Variants in GREM2 observed in about 807,000 individuals in gnomAD.
GREM2 encodes the protein gremlin 2, DAN family BMP antagonist, also known as gremlin-2.
GREM2 carries 11 observed loss-of-function variants against 14.2 expected under a neutral mutation model. The observed-to-expected ratio is 0.78, with a 90% CI of 0.49 to 1.28. The LOEUF is 1.28. Among genes scored for constraint, GREM2 ranks in the 50% most tolerant of loss-of-function variants. GREM2 has a pLI of 0.00. For synonymous variants in GREM2, 98 were observed against 97.6 expected, an observed-to-expected ratio of 1.00 and a Z score of -0.02; for missense variants, 210 against 218.5, an observed-to-expected ratio of 0.96 and a Z score of 0.24.
intron 1 of GREM2, among the ~76,000 whole-genome samples, chr1:240,514,823 C>CCAAGAGATCGAGGCTGCAAT (rs1677917491): frequency 1.3e-5 from 2 of 152,072 alleles, no homozygotes; most frequent in Non-Finnish European, 2.9e-5. Flanking sequence ...TAGTTTGAAC[C>CCAAGAGATCGAGGCTGCAAT]CAAGAGATCG....
chr1:240,524,432 G>GA (rs1198187202), intron 1 of GREM2, among the ~76,000 whole-genome samples: 3 of 151,840 alleles, frequency 2.0e-5, no homozygotes, highest in Non-Finnish European at 4.4e-5. Flanking sequence ...AGGGAGTTCA[G>GA]AAAAAAAACA....
In GREM2 at chr1:240,492,943, GGGCTGA is replaced by G. The variant is rs573018786; in HGVS notation, c.*20_*25del. Reference sequence around the variant, plus strand: ...GCCACCCAGCGGCCGGGCGCGCGCGGGGCTGAGCTGCGTCCGGCCCGGCGCTCACTG... The same window carrying G: ...GCCACCCAGCGGCCGGGCGCGCGCGGGCTGCGTCCGGCCCGGCGCTCACTG... On this transcript the variant is annotated 3_prime_UTR_variant, in exon 2 of 2. Transcript: ENST00000318160. 2.3e-4 allele frequency: 344 copies of G among 1,479,652 alleles called. 2 individuals are homozygous for G. The South Asian group carries it at 4.7e-3, about 20-fold the overall frequency. 91.7% of individuals were successfully genotyped at this position (1,479,652 alleles called of 1,614,324 possible).
chr1:240,564,046 C>T (rs1386384258), intron 1 of GREM2, among the ~76,000 whole-genome samples: 1 of 151,798 alleles, frequency 6.6e-6, no homozygotes, highest in African/African-American at 2.4e-5. Flanking sequence ...CCTACCTCTA[C>T]AAAAAATTAA....
chr1:240,579,221 G>A (rs1679433969), intron 1 of GREM2, among the ~76,000 whole-genome samples: 1 of 152,174 alleles, frequency 6.6e-6, no homozygotes. Flanking sequence ...GAAGGTTGTG[G>A]AGAAGCCATG....
intron 1 of GREM2, among the ~76,000 whole-genome samples, chr1:240,516,919 C>T (rs1270356989): frequency 6.6e-6 from 1 of 151,790 alleles, no homozygotes; most frequent in African/African-American, 2.4e-5. Context: ...GGAGCTAGAC[C>T]GTCTAGGCTC....
intron 1 of GREM2, among the ~76,000 whole-genome samples, chr1:240,556,015 T>C (rs1039070960): frequency 3.9e-5 from 6 of 152,318 alleles, no homozygotes; most frequent in Admixed American, 3.9e-4. Context: ...GAGTTTCTAG[T>C]AGAGCATATC....
intron 1 of GREM2, among the ~76,000 whole-genome samples, chr1:240,538,836 G>A (rs189443118): frequency 9.7e-4 from 148 of 152,294 alleles, no homozygotes; most frequent in Non-Finnish European, 9.1e-4. Flanking sequence ...CTACGTGTGG[G>A]TGTCTCTCCC....
chr1:240,563,179 ATGTGTACG>A (rs1232583534), intron 1 of GREM2, among the ~76,000 whole-genome samples: 6 of 149,520 alleles, frequency 4.0e-5, no homozygotes, highest in African/African-American at 1.2e-4. Flanking sequence ...GAGTGTGTGT[ATGTGTACG>A]TGTGTGAGTG....
intron 1 of GREM2, 117 bp downstream of exon 1, chr1:240,611,767 A>C (rs1680141380): frequency 6.6e-6 from 1 of 152,654 alleles, no homozygotes; most frequent in Admixed American, 6.5e-5. Context: ...ACGTCCACTC[A>C]GGGCTTTCGG....
intron 1 of GREM2, among the ~76,000 whole-genome samples, chr1:240,509,343 AG>A (rs1396256022): frequency 1.4e-5 from 2 of 147,708 alleles, no homozygotes; most frequent in African/African-American, 5.0e-5. Context: ...AGGCTTGCCC[AG>A]GAGCCAGCTC....
intron 1 of GREM2, among the ~76,000 whole-genome samples, chr1:240,579,991 C>T (rs141275475): frequency 7.9e-5 from 12 of 152,232 alleles, no homozygotes; most frequent in East Asian, 3.9e-4. Flanking sequence ...CATACATATG[C>T]GTTTGTCATC....
chr1:240,608,427 T>G (rs922179116), intron 1 of GREM2, among the ~76,000 whole-genome samples: 10 of 152,124 alleles, frequency 6.6e-5, no homozygotes, highest in Admixed American at 6.5e-4. Flanking sequence ...CTACCATAAT[T>G]AGAAAATACA....
chr1:240,604,750 G>A (rs1347680708), intron 1 of GREM2, among the ~76,000 whole-genome samples: 2 of 152,182 alleles, frequency 1.3e-5, no homozygotes, highest in African/African-American at 2.4e-5. Flanking sequence ...TTGAGCCCCC[G>A]AGTTCGGGAC....
intron 1 of GREM2, among the ~76,000 whole-genome samples, chr1:240,496,214 G>T (rs1677410747): frequency 6.6e-6 from 1 of 152,110 alleles, no homozygotes; most frequent in Non-Finnish European, 1.5e-5. Flanking sequence ...TGGGATTACA[G>T]GCCACTGGGC....
intron 1 of GREM2, among the ~76,000 whole-genome samples, chr1:240,536,618 A>AGCTACGTGCATGGGGATAAGGTCTCTGAT (rs1558153567): frequency 4.6e-5 from 7 of 150,844 alleles, no homozygotes; most frequent in African/African-American, 7.4e-5. Flanking sequence ...AGCCATCTGT[A>AGCTACGTGCATGGGGATAAGGTCTCTGAT]GAGTTTAAGA....
intron 1 of GREM2, among the ~76,000 whole-genome samples, chr1:240,549,685 C>A (rs1678806141): frequency 6.6e-6 from 1 of 152,134 alleles, no homozygotes. Flanking sequence ...TGAGAGATCC[C>A]TGAAGCTACG....
chr1:240,602,930 G>A (rs920527518), intron 1 of GREM2, among the ~76,000 whole-genome samples: 11 of 151,908 alleles, frequency 7.2e-5, no homozygotes, highest in Non-Finnish European at 1.0e-4. Flanking sequence ...AATACTAGCC[G>A]GGTGTGGTGG....
chr1:240,556,133 G>A (rs757363733), intron 1 of GREM2, among the ~76,000 whole-genome samples: 15 of 152,124 alleles, frequency 9.9e-5, no homozygotes, highest in Non-Finnish European at 1.8e-4. Context: ...ATACCCTCAA[G>A]TAGCTTTATA....
intron 1 of GREM2, among the ~76,000 whole-genome samples, chr1:240,564,678 C>G (rs1679141402): frequency 6.6e-6 from 1 of 152,074 alleles, no homozygotes; most frequent in African/African-American, 2.4e-5. Context: ...GACCCCAGGG[C>G]CTGACAATAT....
Sources: allele counts gnomAD v4.1 joint callset (sites outside exome capture counted in the v4.1 genomes callset), GRCh38; gene constraint gnomAD v4.1.1; transcripts MANE v1.5; gene names NCBI Gene and HGNC (gene_info 2026-07-23, HGNC 2026-07-21).